SLC9A4: variants seen among roughly 807,000 people sequenced by gnomAD.
SLC9A4 encodes the protein solute carrier family 9 member A4, also known as sodium/hydrogen exchanger 4.
In SLC9A4, 63 loss-of-function variants were observed where a neutral mutation model predicts 67.4. The observed-to-expected ratio is 0.93, with a 90% confidence interval of 0.76 to 1.15. The LOEUF is 1.15. Ranked by LOEUF, SLC9A4 falls within the 50% of genes most tolerant of loss-of-function variation. The pLI is 0.00. For synonymous variants in SLC9A4, 393 were observed against 367.2 expected, an observed-to-expected ratio of 1.07 and a Z score of -0.80; for missense variants, 1,089 against 987.7, an observed-to-expected ratio of 1.10 and a Z score of -1.38.
chr2:102,517,680 G>A (rs1027405528), intron 8 of SLC9A4, among the ~76,000 whole-genome samples: 4 of 152,076 alleles, frequency 2.6e-5, no homozygotes, highest in African/African-American at 9.7e-5. Context: ...TTATATGAAT[G>A]TATCAAATTA....
intron 9 of SLC9A4, among the ~76,000 whole-genome samples, chr2:102,521,591 C>T (rs902773836): frequency 5.3e-5 from 8 of 152,304 alleles, no homozygotes; most frequent in African/African-American, 1.9e-4. Context: ...TTTCCTTACT[C>T]AGCTTTACAA....
At chr2:102,519,073 C>T (rs147553285) in intron 8 of SLC9A4, among the ~76,000 whole-genome samples, 2 of 152,280 alleles carry the variant, frequency 1.3e-5, no homozygotes, top group East Asian at 1.9e-4. Context: ...ATTCTTCCCC[C>T]AGCAATGTCA....
chr2:102,505,398 G>T lies in SLC9A4; in HGVS notation c.1125G>T (p.Val375=), dbSNP rs1172562510. The change falls in exon 4 of 12, where the codon GTG becomes GTT. Residue 375 remains valine (V), a synonymous_variant. Coordinates refer to ENST00000295269, the MANE Select transcript of SLC9A4 (RefSeq NM_001011552.4). ...TCATCTTCATGGGTGTGTCCACTGT[G>T]GGCAAGAATCACGAGTGGAACTGGG... is the stretch of plus-strand genomic sequence containing the variant. The part of the protein sequence containing the change: ...LIFIFMGVST[V]GKNHEWNWAF... 5.6e-6 allele frequency: 9 copies of T among 1,614,226 alleles called. No individual in the cohort carries two copies. The highest frequency in any genetic ancestry group is 7.6e-6 in the Non-Finnish European group (9 of 1,180,048).
At chr2:102,499,619 T>G (rs1193350130) in intron 2 of SLC9A4, among the ~76,000 whole-genome samples, 1 of 152,188 alleles carries the variant, frequency 6.6e-6, no homozygotes, top group Non-Finnish European at 1.5e-5. Context: ...GTGTACTTGC[T>G]TGGACCCATT....
chr2:102,511,694 G>A (rs1685165480), intron 6 of SLC9A4, among the ~76,000 whole-genome samples: 1 of 151,912 alleles, frequency 6.6e-6, no homozygotes, highest in Non-Finnish European at 1.5e-5. Context: ...GATCAAACGA[G>A]CATATTAAAA....
At chr2:102,509,434 C>G (rs1648981661) in intron 6 of SLC9A4, among the ~76,000 whole-genome samples, 1 of 152,188 alleles carries the variant, frequency 6.6e-6, no homozygotes, top group Admixed American at 6.5e-5. Flanking sequence ...CCACTTAATC[C>G]TCCTTTAAAC....
intron 11 of SLC9A4, among the ~76,000 whole-genome samples, chr2:102,530,628 G>C (rs553738273): frequency 7.2e-5 from 11 of 152,300 alleles, no homozygotes; most frequent in Non-Finnish European, 1.3e-4. Flanking sequence ...CAACAGGAAA[G>C]GTTGGAGTGA....
At position 102,525,155 on chromosome 2, in the gene SLC9A4, G is replaced by C. The variant is rs761595839; in HGVS notation, c.1950G>C (p.Pro650=). The change falls in exon 10 of 12, where the codon CCG becomes CCC. Residue 650 remains proline, a splice_region_variant and synonymous_variant. Coordinates refer to ENST00000295269, the MANE Select transcript of SLC9A4 (RefSeq NM_001011552.4). Reference sequence around the variant, plus strand: ...GTCACAGCCTGCCCTGGGGAAAGCCGGTACATTGGGGCTGGGGACTGGGAC... The same window carrying C: ...GTCACAGCCTGCCCTGGGGAAAGCCCGTACATTGGGGCTGGGGACTGGGAC... ...RKGHSLPWGK[P]AGTKNIRYLS... is the part of the protein sequence containing the mutation. The C allele has an allele frequency of 6.2e-7, 1 of 1,613,772 alleles. No individual in the cohort carries two copies. The highest frequency in any genetic ancestry group is 1.3e-5 in the African/African-American group (1 of 75,000).
chr2:102,487,649 T>C (rs1558661350), intron 2 of SLC9A4, among the ~76,000 whole-genome samples: 1 of 152,202 alleles, frequency 6.6e-6, no homozygotes, highest in African/African-American at 2.4e-5. Context: ...ATTGTACAAA[T>C]TGGCTTTCAA....
intron 2 of SLC9A4, among the ~76,000 whole-genome samples, chr2:102,490,309 T>C (rs1056389957): frequency 2.0e-5 from 3 of 152,234 alleles, no homozygotes; most frequent in Non-Finnish European, 4.4e-5. Context: ...ATCTCTGAAA[T>C]ATGAAAGACT....
chr2:102,506,247 T>G (rs1048503256), intron 4 of SLC9A4, among the ~76,000 whole-genome samples: 11 of 152,344 alleles, frequency 7.2e-5, no homozygotes, highest in African/African-American at 2.6e-4. Flanking sequence ...CTACAATATA[T>G]GTGTTGCCTT....
intron 2 of SLC9A4, among the ~76,000 whole-genome samples, chr2:102,503,218 G>A (rs890134464): frequency 3.3e-5 from 5 of 152,320 alleles, no homozygotes; most frequent in African/African-American, 7.2e-5. Context: ...AGACAGGCAC[G>A]TAGTAGGTGC....
At chr2:102,488,548 CTTTTTTT>C (rs5833020) in intron 2 of SLC9A4, among the ~76,000 whole-genome samples, 1 of 124,016 alleles carries the variant, frequency 8.1e-6, no homozygotes, top group Admixed American at 8.0e-5. Context: ...AATCTAATTC[CTTTTTTT>C]TTTTTTTTTT....
intron 7 of SLC9A4, 60 bp downstream of exon 7, chr2:102,512,333 G>A (rs1321261994): frequency 6.4e-6 from 10 of 1,568,906 alleles, no homozygotes; most frequent in Non-Finnish European, 8.8e-6. Context: ...TGGAAGCTGG[G>A]CATAAAATCA....
chr2:102,513,561 A>AT (rs1685211273), intron 7 of SLC9A4, among the ~76,000 whole-genome samples: 1 of 62,622 alleles, frequency 1.6e-5, no homozygotes, highest in East Asian at 2.8e-4. Flanking sequence ...GGACATACGT[A>AT]GGGTTTTTTT....
At chr2:102,492,492 C>T (rs987398883) in intron 2 of SLC9A4, among the ~76,000 whole-genome samples, 44 of 152,366 alleles carry the variant, frequency 2.9e-4, no homozygotes, top group African/African-American at 9.1e-4. Context: ...TTGGAGCTTA[C>T]ACCCTCTGAA....
chr2:102,496,505 T>G (rs1002213483), intron 2 of SLC9A4, among the ~76,000 whole-genome samples: 2 of 152,208 alleles, frequency 1.3e-5, no homozygotes, highest in Non-Finnish European at 2.9e-5. Context: ...TATACCTAGT[T>G]TTTTAGAAAT....
chr2:102,490,792 A>G (rs2104422537), intron 2 of SLC9A4, among the ~76,000 whole-genome samples: 1 of 152,322 alleles, frequency 6.6e-6, no homozygotes, highest in South Asian at 2.1e-4. Context: ...TATGCTGTGT[A>G]ATAAGCATCT....
At chr2:102,486,816 G>T (rs1684598648) in intron 2 of SLC9A4, among the ~76,000 whole-genome samples, 1 of 152,182 alleles carries the variant, frequency 6.6e-6, no homozygotes, top group Admixed American at 6.5e-5. Context: ...ATGTCTTCTT[G>T]CCCTTCCTGT....
Sources: allele counts gnomAD v4.1 joint callset (sites outside exome capture counted in the v4.1 genomes callset), GRCh38; gene constraint gnomAD v4.1.1; transcripts MANE v1.5; gene names NCBI Gene and HGNC (gene_info 2026-07-23, HGNC 2026-07-21).